The following CABYR variants were observed in gnomAD, a reference collection of about 807,000 sequenced individuals.
The protein encoded by CABYR is calcium-binding tyrosine phosphorylation-regulated protein.
CABYR carries 31 observed loss-of-function variants against 36.1 expected under a neutral mutation model. The ratio of observed to expected loss-of-function variants is 0.86; its 90% CI spans 0.64 to 1.16. The LOEUF (loss-of-function observed/expected upper bound fraction) is 1.16, where lower values mean the gene tolerates loss of function less well. CABYR is among the 50% of genes most tolerant of loss of function. CABYR has a pLI of 0.00. For synonymous variants in CABYR, 146 were observed against 160.7 expected (o/e 0.91, Z 0.69); for missense variants, 429 against 455.8 (o/e 0.94, Z 0.53).
chr18:24,151,108 T>A (rs1190183624), intron 3 of CABYR, among the ~76,000 whole-genome samples: 4 of 152,176 alleles, frequency 2.6e-5, no homozygotes, highest in African/African-American at 9.7e-5. Context: ...GAATATGTCC[T>A]TTTCCTTATG....
chr18:24,140,645 T>C (rs980181377), intron 1 of CABYR, among the ~76,000 whole-genome samples: 4 of 152,290 alleles, frequency 2.6e-5, no homozygotes, highest in African/African-American at 4.8e-5. Flanking sequence ...GTAGGTTTTA[T>C]TCATTTTTTA....
intron 3 of CABYR, among the ~76,000 whole-genome samples, chr18:24,148,204 G>A (rs1035696118): frequency 6.6e-6 from 1 of 152,118 alleles, no homozygotes; most frequent in African/African-American, 2.4e-5. Flanking sequence ...ATGCATTGCA[G>A]GACATCTAGC....
At position 24,143,277 on chromosome 18, in the gene CABYR, A is replaced by G; in HGVS notation, c.145+18A>G. The G allele has an allele frequency of 1.2e-6, 2 of 1,603,356 alleles. No individual in the cohort carries two copies. The highest frequency in any genetic ancestry group is 1.1e-5 in the South Asian group (1 of 88,544). On this transcript the variant is annotated intron_variant, in intron 2 of 5. Transcript: ENST00000399496. ...GTATAGAGGTTTGTTATTCCTTTAT[A>G]TATTTGCTGCTTTGAAAAAGAAAAC... is the stretch of plus-strand genomic sequence containing the variant.
At chr18:24,150,628 T>G in intron 3 of CABYR, 1 of 937,504 alleles carries the variant, frequency 1.1e-6, no homozygotes, top group African/African-American at 1.8e-5. Flanking sequence ...CTTTATAGTC[T>G]CTGGTATTCT....
chr18:24,150,741 T>TTCCCACC (rs11282829), intron 3 of CABYR: 8,743 of 187,708 alleles, frequency 0.047, 842 homozygotes, highest in African/African-American at 0.2. Flanking sequence ...CTCTTTGAGC[T>TTCCCACC]TCCCACCTCC....
chr18:24,158,276 G>A (rs1422817175), intron 4 of CABYR, among the ~76,000 whole-genome samples: 1 of 150,168 alleles, frequency 6.7e-6, no homozygotes, highest in Non-Finnish European at 1.5e-5. Context: ...AGTATCTGAA[G>A]CTGTTGGAAA....
rs538921276 is a variant in CABYR, at chr18:24,149,595, G to T, written c.200-6106G>T. 4.6e-5 allele frequency among the ~76,000 whole-genome samples: 7 copies of T among 152,374 alleles called. No individual in the cohort carries two copies. The East Asian group carries it at 1.3e-3, about 29-fold the overall frequency. ...GGTGGTCGATGGGACTGGGTGCTGT[G>T]GAGCAGGGGGCGGTGCTCATCGGGG... is the stretch of plus-strand genomic sequence containing the variant. On this transcript the variant is annotated intron_variant, in intron 3 of 5. Coordinates refer to ENST00000399496, the MANE Select transcript of CABYR (RefSeq NM_153769.3).
intron 1 of CABYR, chr18:24,140,290 A>AT (rs1056337170): frequency 5.3e-4 from 80 of 152,250 alleles, no homozygotes; most frequent in African/African-American, 1.8e-3. Context: ...AATTAGACAT[A>AT]TGATATATAT....
chr18:24,152,534 CT>C (rs1238235175), intron 3 of CABYR: 1 of 152,124 alleles, frequency 6.6e-6, no homozygotes, highest in Admixed American at 6.5e-5. Flanking sequence ...AATGCTTTAC[CT>C]TTCCAGAATG....
chr18:24,152,697 A>G (rs1287305295), intron 3 of CABYR: 1 of 152,214 alleles, frequency 6.6e-6, no homozygotes, highest in Non-Finnish European at 1.5e-5. Context: ...TAATTAAAAG[A>G]GCAAGTGGTC....
At chr18:24,148,282 T>C (rs899200992) in intron 3 of CABYR, among the ~76,000 whole-genome samples, 13 of 152,160 alleles carry the variant, frequency 8.5e-5, no homozygotes, top group African/African-American at 3.1e-4. Flanking sequence ...ATGTCCCCTC[T>C]ACATCTACGA....
intron 4 of CABYR, chr18:24,156,849 G>A (rs139547401): frequency 6.2e-7 from 1 of 1,614,134 alleles, no homozygotes; most frequent in Non-Finnish European, 8.5e-7. Flanking sequence ...AGGCAAACCT[G>A]TGCTCTCTGG....
At chr18:24,149,739 C>G (rs931555143) in intron 3 of CABYR, among the ~76,000 whole-genome samples, 5 of 152,242 alleles carry the variant, frequency 3.3e-5, no homozygotes, top group South Asian at 4.1e-4. Context: ...TCAAGCACAG[C>G]GCCGGTGGGC....
chr18:24,140,510 T>TGTA (rs34562841), intron 1 of CABYR, among the ~76,000 whole-genome samples: 1 of 152,024 alleles, frequency 6.6e-6, no homozygotes, highest in Non-Finnish European at 1.5e-5. Flanking sequence ...TTAATCACAT[T>TGTA]GGGAATGGGG....
chr18:24,151,455 TTC>T (rs1442739057), intron 3 of CABYR, among the ~76,000 whole-genome samples: 3 of 152,198 alleles, frequency 2.0e-5, no homozygotes. Flanking sequence ...CTTGAAGAAA[TTC>T]TGTCTTATAC....
At chr18:24,157,652 C>G (rs1599397931) in intron 4 of CABYR, among the ~76,000 whole-genome samples, 1 of 152,208 alleles carries the variant, frequency 6.6e-6, no homozygotes, top group Non-Finnish European at 1.5e-5. Flanking sequence ...GCAATAGATG[C>G]AGTTCACGTA....
At chr18:24,143,331 T>A (rs1261603037) in intron 2 of CABYR, 29 bp from the exon 3 acceptor site, 1 of 1,595,138 alleles carries the variant, frequency 6.3e-7, no homozygotes, top group African/African-American at 1.3e-5. Flanking sequence ...CATGTATCTG[T>A]ATTTGATTTC....
chr18:24,143,111 CA>C lies in CABYR; in HGVS notation c.1del. The C allele has an allele frequency of 6.3e-7, 1 of 1,598,590 alleles. No homozygotes were observed. The highest frequency in any genetic ancestry group is 8.5e-7 in the Non-Finnish European group (1 of 1,174,498). ...TCTAGTTGAGTTACAGACATCCTGC[CA>C]AAATGATTTCTTCAAAGCCCAGACT... On this transcript the variant is annotated 5_prime_UTR_variant, in exon 2 of 6. Coordinates refer to ENST00000399496, the MANE Select transcript of CABYR (RefSeq NM_153769.3).
At chr18:24,150,328 C>T (rs2085587033) in intron 3 of CABYR, among the ~76,000 whole-genome samples, 1 of 152,176 alleles carries the variant, frequency 6.6e-6, no homozygotes, top group East Asian at 1.9e-4. Context: ...CTGGCCATGC[C>T]CTCTTTTGCT....
Sources: allele counts gnomAD v4.1 joint callset (sites outside exome capture counted in the v4.1 genomes callset), GRCh38; gene constraint gnomAD v4.1.1; transcripts MANE v1.5; gene names NCBI Gene and HGNC (gene_info 2026-07-23, HGNC 2026-07-21).